WDR62: variants seen among roughly 807,000 people sequenced by gnomAD.
The protein encoded by WDR62 is WD repeat domain 62.
In WDR62, 112 loss-of-function variants were observed where a neutral mutation model predicts 160.6. That is an observed-to-expected ratio of 0.70 (90% CI 0.60 to 0.82). WDR62 has a LOEUF of 0.82. WDR62 is among the 40% of genes least tolerant of loss of function. WDR62 has a pLI of 0.00. For missense variants in WDR62, 1,819 were observed against 1,983.8 expected, an observed-to-expected ratio of 0.92 and a Z score of 1.58; for synonymous variants, 792 against 815.1, an observed-to-expected ratio of 0.97 and a Z score of 0.48.
intron 3 of WDR62, 126 bp downstream of exon 3, chr19:36,060,156 G>A: frequency 1.0e-6 from 1 of 984,718 alleles, no homozygotes; most frequent in South Asian, 1.3e-5. Context: ...TGGCTCAGCA[G>A]CATTCGCCTG....
At position 36,067,753 on chromosome 19, in the gene WDR62, G is replaced by A. The variant is rs1030488589; in HGVS notation, c.700-75G>A. On this transcript the variant is annotated intron_variant, in intron 6 of 31. Coordinates refer to ENST00000401500, the MANE Select transcript of WDR62 (RefSeq NM_001083961.2). ...GAGCTTCTTAGAGTTCTCCTGTTTT[G>A]TTGTGTCCTATCATCTGGTCATGCA... 14 of 1,522,932 alleles carry A rather than the reference G, an allele frequency of 9.2e-6. No homozygotes were observed. In the African/African-American group the frequency reaches 1.8e-4, roughly 19 times the overall value. The allele number at this position is 1,522,932 out of a possible 1,614,324, so 94.3% of individuals were successfully genotyped here.
intron 9 of WDR62, among the ~76,000 whole-genome samples, chr19:36,080,756 A>G (rs1309103167): frequency 3.3e-5 from 5 of 152,142 alleles, no homozygotes; most frequent in Admixed American, 6.5e-5. Flanking sequence ...CGCCCGGCCA[A>G]TATGTTTTTA....
At chr19:36,056,351 C>T (rs190790005) in intron 1 of WDR62, among the ~76,000 whole-genome samples, 2 of 152,264 alleles carry the variant, frequency 1.3e-5, no homozygotes, top group Admixed American at 6.5e-5. Flanking sequence ...AGGGCTCTGG[C>T]TGTACCTCCC....
chr19:36,097,153 C>T, intron 21 of WDR62, 74 bp downstream of exon 21: 1 of 1,451,176 alleles, frequency 6.9e-7, no homozygotes, highest in Non-Finnish European at 9.6e-7. Flanking sequence ...TCTGGAAGCC[C>T]TTTTTCCTTT....
chr19:36,099,633 G>A lies in WDR62; in HGVS notation c.2739+16G>A, dbSNP rs550334968. ...GCTGAGTGAGGTACACACTTCCACC[G>A]CAGCCTGGCCCATAGCCCCGGCACC... On this transcript the variant is annotated intron_variant, in intron 22 of 31. Transcript: ENST00000401500. 129 of 1,613,018 alleles carry A rather than the reference G, an allele frequency of 8.0e-5. No individual in the cohort carries two copies. The highest frequency in any genetic ancestry group is 1.0e-4 in the Non-Finnish European group (120 of 1,179,474).
chr19:36,093,011 G>A (rs185055487), intron 19 of WDR62, among the ~76,000 whole-genome samples, 200 bp downstream of exon 19: 2 of 152,288 alleles, frequency 1.3e-5, no homozygotes, highest in African/African-American at 2.4e-5. Flanking sequence ...TTTAATTTTC[G>A]TAAATAATAG....
rs768208953 is a variant in WDR62, at chr19:36,084,725, G to A, written c.1623G>A (p.Glu541=). The A allele has an allele frequency of 6.2e-7, 1 of 1,613,646 alleles. No individual in the cohort carries two copies. The highest frequency in any genetic ancestry group is 8.5e-7 in the Non-Finnish European group (1 of 1,179,966). Residue 541 remains glutamate (E), a synonymous_variant, in exon 12 of 32, where the codon GAG becomes GAA. Transcript: ENST00000401500. ...EAHDAEVLCL[E]YSKPETGLTL... is the part of the protein sequence containing the mutation. ...ATGATGCTGAGGTGCTGTGCCTGGAGTACTCCAAGCCAGAGACGGGTGAGC... is the reference window on the plus strand; with the variant it reads ...ATGATGCTGAGGTGCTGTGCCTGGAATACTCCAAGCCAGAGACGGGTGAGC...
rs398123559 is a variant in WDR62, at chr19:36,055,127, C to A, written c.156C>A (p.Ser52=). ...LRRRTRLSTA[S]EETVQNRVSL... ...GGCGGACGCGACTCTCGACGGCCTC[C>A]GAGGAGACGGTGCAGAACCGGGTGA... is the stretch of plus-strand genomic sequence containing the variant. Residue 52 remains serine, a synonymous_variant, in exon 1 of 32, where the codon TCC becomes TCA. Transcript: ENST00000401500. 6.2e-7 allele frequency: 1 copy of A among 1,608,234 alleles called. No homozygotes were observed. The highest frequency in any genetic ancestry group is 1.1e-5 in the South Asian group (1 of 90,284).
At chr19:36,101,176 A>G (rs772525717) in intron 23 of WDR62, 38 bp from the exon 24 acceptor site, 1 of 1,569,816 alleles carries the variant, frequency 6.4e-7, no homozygotes, top group Non-Finnish European at 8.7e-7. Context: ...TCTCCAGCTG[A>G]AGTCCTTGTT....
chr19:36,083,896 C>T (rs757223), intron 11 of WDR62, among the ~76,000 whole-genome samples: 91,961 of 151,972 alleles, frequency 0.61, 28,160 homozygotes, highest in African/African-American at 0.69. Context: ...CAGAAAGTGC[C>T]GATTTTTTTC....
the WDR62 span, chr19:36,111,082 A>G: frequency 1.1e-6 from 1 of 935,254 alleles, no homozygotes; most frequent in Admixed American, 2.8e-5. Flanking sequence ...GGAAATTTGC[A>G]TGAAGAGAAT....
chr19:36,093,482 T>G (rs969041564), intron 19 of WDR62, among the ~76,000 whole-genome samples: 3 of 152,180 alleles, frequency 2.0e-5, no homozygotes, highest in Non-Finnish European at 2.9e-5. Flanking sequence ...GTTTTTTGGT[T>G]TTCTTCTCTT....
chr19:36,097,897 TAAAAA>T lies in WDR62; in HGVS notation c.2520+820_2520+824del, dbSNP rs548421658. On this transcript the variant is annotated intron_variant, in intron 21 of 31. Coordinates refer to ENST00000401500, the MANE Select transcript of WDR62 (RefSeq NM_001083961.2). ...CTTTGTCTCATAAAAAAAATAAAAA[TAAAAA>T]AGAAAATAAGGAGTGTTGGGGGGTG... 2.3e-3 allele frequency among the ~76,000 whole-genome samples: 339 copies of T among 149,392 alleles called. 5 individuals carry two copies. The highest frequency in any genetic ancestry group is 8.0e-3 in the African/African-American group (329 of 41,166).
At chr19:36,108,609 T>C (rs1316835465), downstream of WDR62, among the ~76,000 whole-genome samples, 3 of 150,328 alleles carry the variant, frequency 2.0e-5, no homozygotes, top group Non-Finnish European at 4.4e-5. Flanking sequence ...TCCCAACACT[T>C]TGGGAGGCCA....
Position 36,055,148 on chromosome 19 carries a change from G to C in WDR62, c.177G>C (p.Arg59=), listed in dbSNP as rs1428596726. The stretch of plus-strand genomic sequence containing the variant: ...CCTCCGAGGAGACGGTGCAGAACCG[G>C]GTGAGAAGCTGCTCGCCATGTCTAC... The part of the protein sequence containing the change: ...STASEETVQN[R]VSLEKVLGIT... The change falls in exon 1 of 32, where the codon CGG becomes CGC. Residue 59 remains arginine (R), a splice_region_variant and synonymous_variant. Coordinates refer to ENST00000401500, the MANE Select transcript of WDR62 (RefSeq NM_001083961.2). The C allele has an allele frequency of 6.2e-7, 1 of 1,607,416 alleles. No individual in the cohort carries two copies. Among genetic ancestry groups the C allele is most frequent in the East Asian group, 2.2e-5 (1 of 44,508 alleles).
At position 36,101,332 on chromosome 19, in the gene WDR62, G is replaced by A; in HGVS notation, c.2971+15G>A. 1 of 1,600,656 alleles carries A rather than the reference G, an allele frequency of 6.2e-7. No homozygotes were observed. Among genetic ancestry groups the A allele is most frequent in the African/African-American group, 1.3e-5 (1 of 74,888 alleles). The stretch of plus-strand genomic sequence containing the variant: ...CCCGCCTGAGGGTGAGTGCAGGGCA[G>A]GCAGGGACCCTGTGACAGTCTGTGC... On this transcript the variant is annotated intron_variant, in intron 24 of 31. Coordinates refer to ENST00000401500, the MANE Select transcript of WDR62 (RefSeq NM_001083961.2).
intron 5 of WDR62, 94 bp downstream of exon 5, chr19:36,066,521 A>G (rs1388567510): frequency 1.4e-6 from 2 of 1,401,856 alleles, no homozygotes; most frequent in East Asian, 5.0e-5. Context: ...GGACGCAGTA[A>G]AGTGCTCACT....
chr19:36,056,160 T>A (rs1438997165), intron 1 of WDR62, among the ~76,000 whole-genome samples: 2 of 152,126 alleles, frequency 1.3e-5, no homozygotes, highest in African/African-American at 2.4e-5. Flanking sequence ...AGTGAGACTC[T>A]GTCTCAAAAT....
chr19:36,088,185 G>C (rs1972369421), intron 13 of WDR62, among the ~76,000 whole-genome samples: 1 of 151,988 alleles, frequency 6.6e-6, no homozygotes, highest in African/African-American at 2.4e-5. Flanking sequence ...CAGACTCAGA[G>C]TTTTATATTT....
Sources: gnomAD v4.1 joint callset for allele counts (sites outside exome capture counted in the v4.1 genomes callset) on GRCh38, gnomAD v4.1.1 for gene constraint, MANE v1.5 for transcripts, NCBI Gene and HGNC (gene_info 2026-07-23, HGNC 2026-07-21) for gene names.